Variants in CELF2 observed in about 807,000 individuals in gnomAD.
CELF2 encodes the protein CUGBP Elav-like family member 2.
CELF2 carries 8 observed loss-of-function variants against 62.6 expected under a neutral mutation model. That is an observed-to-expected ratio of 0.13 (90% CI 0.07 to 0.23). CELF2 has a LOEUF of 0.23. Ranked by LOEUF, CELF2 falls within the 10% of genes least tolerant of loss-of-function variation. The pLI is 1.00. For missense variants in CELF2, 333 were observed against 671.0 expected, an observed-to-expected ratio of 0.50 and a Z score of 5.56; for synonymous variants, 258 against 250.0, an observed-to-expected ratio of 1.03 and a Z score of -0.30.
chr10:11,118,076 T>A (rs1158310620), intron 1 of CELF2, among the ~76,000 whole-genome samples: 1 of 152,224 alleles, frequency 6.6e-6, no homozygotes, highest in East Asian at 1.9e-4. Context: ...AAGCTATTTT[T>A]TTTTTAGTTT....
In CELF2 at chr10:11,012,440, C is replaced by T. The variant is rs1159171057; in HGVS notation, c.53+7000C>T. The stretch of plus-strand genomic sequence containing the variant: ...CATTCAGGCACATGGGCTGTCATGC[C>T]CAGAGAGATTCCCTCTGAAGTAGAG... On this transcript the variant is annotated intron_variant, in intron 1 of 12. Coordinates refer to the CELF2 transcript ENST00000416382. This position sits in a 1 kb window ranked among gnomAD's most constrained non-coding sequence, Gnocchi z 5.5. 6.6e-6 allele frequency among the ~76,000 whole-genome samples: 1 copy of T among 152,120 alleles called. No individual in the cohort carries two copies. Among genetic ancestry groups the T allele is most frequent in the African/African-American group, 2.4e-5 (1 of 41,416 alleles).
the CELF2 span, among the ~76,000 whole-genome samples, chr10:10,581,091 G>A: frequency 6.6e-6 from 1 of 152,116 alleles, no homozygotes; most frequent in African/African-American, 2.4e-5. Flanking sequence ...CACATATTTG[G>A]AATCTCCTGA....
intron 1 of CELF2, among the ~76,000 whole-genome samples, chr10:11,085,553 C>T (rs1823061403): frequency 6.6e-6 from 1 of 152,182 alleles, no homozygotes. Context: ...AAATCCATCA[C>T]AGTGACCTTG....
At chr10:11,001,369 G>C (rs531270385), upstream of CELF2, among the ~76,000 whole-genome samples, 4 of 152,210 alleles carry the variant, frequency 2.6e-5, no homozygotes, top group East Asian at 7.7e-4. Flanking sequence ...GTCAGGCTCT[G>C]GCATATTTTG....
intron 9 of CELF2, among the ~76,000 whole-genome samples, chr10:11,307,357 T>C (rs75730401): frequency 2.0e-5 from 3 of 152,330 alleles, no homozygotes; most frequent in African/African-American, 7.2e-5. Context: ...TGTGATTTCC[T>C]GCAAGGTGGG....
At chr10:11,095,597 A>G (rs565275896) in intron 1 of CELF2, among the ~76,000 whole-genome samples, 3 of 152,200 alleles carry the variant, frequency 2.0e-5, no homozygotes, top group Non-Finnish European at 4.4e-5. Flanking sequence ...TTTAACTGTA[A>G]CAATGAGTTG....
intron 1 of CELF2, among the ~76,000 whole-genome samples, chr10:10,838,996 A>G (rs887100847): frequency 6.6e-6 from 1 of 152,052 alleles, no homozygotes; most frequent in Non-Finnish European, 1.5e-5. Flanking sequence ...ATACAAAAAT[A>G]TTAGCCAGAC....
chr10:10,937,636 A>G (rs1564848583), intron 2 of CELF2: 1 of 152,340 alleles, frequency 6.6e-6, no homozygotes, highest in South Asian at 2.1e-4. Flanking sequence ...ATTAGGATAC[A>G]GTATCAATCA....
chr10:11,169,809 A>T (rs1236221462), intron 2 of CELF2, among the ~76,000 whole-genome samples: 1 of 152,310 alleles, frequency 6.6e-6, no homozygotes, highest in South Asian at 2.1e-4. Flanking sequence ...AGAGGACTTG[A>T]TAACTAAATT....
At chr10:10,764,119 G>A in the CELF2 span, among the ~76,000 whole-genome samples, 1 of 152,202 alleles carries the variant, frequency 6.6e-6, no homozygotes, top group South Asian at 2.1e-4. Flanking sequence ...AGACGGGAAG[G>A]AAAGGAAAGG....
At chr10:10,910,929 A>G (rs2063759500) in intron 1 of CELF2, among the ~76,000 whole-genome samples, 1 of 152,172 alleles carries the variant, frequency 6.6e-6, no homozygotes, top group Non-Finnish European at 1.5e-5. Flanking sequence ...AATGAGCAGG[A>G]ATTGTTACTA....
At chr10:10,923,180 C>A (rs972055787) in intron 2 of CELF2, 1 of 152,130 alleles carries the variant, frequency 6.6e-6, no homozygotes, top group Non-Finnish European at 1.5e-5. Context: ...CATGACACTT[C>A]GAGTTTTTTC....
the CELF2 span, among the ~76,000 whole-genome samples, chr10:10,789,200 G>A: frequency 6.6e-6 from 1 of 152,138 alleles, no homozygotes; most frequent in Non-Finnish European, 1.5e-5. Flanking sequence ...TGGGGACTAT[G>A]GGCAGTTGAG....
chr10:10,468,411 A>T, the CELF2 span, among the ~76,000 whole-genome samples: 1 of 151,950 alleles, frequency 6.6e-6, no homozygotes, highest in South Asian at 2.1e-4. Flanking sequence ...ATACTGGTAA[A>T]GCCATGTTCC....
At chr10:11,081,202 G>A (rs151122551) in intron 1 of CELF2, among the ~76,000 whole-genome samples, 4 of 152,296 alleles carry the variant, frequency 2.6e-5, no homozygotes, top group Non-Finnish European at 4.4e-5. Flanking sequence ...ATGTTCTCAT[G>A]TTAATAGCAT....
intron 1 of CELF2, among the ~76,000 whole-genome samples, chr10:10,857,460 A>C (rs1392654091): frequency 6.6e-6 from 1 of 151,838 alleles, no homozygotes; most frequent in Non-Finnish European, 1.5e-5. Flanking sequence ...AAATCTCAGA[A>C]GGCTCAGGCT....
chr10:10,835,727 C>T (rs894305739), intron 1 of CELF2, among the ~76,000 whole-genome samples: 1 of 152,120 alleles, frequency 6.6e-6, no homozygotes, highest in Non-Finnish European at 1.5e-5. Context: ...TGTGTATCAG[C>T]CTCTGAGTTT....
At chr10:11,213,423 G>C (rs1159861515) in intron 2 of CELF2, among the ~76,000 whole-genome samples, 1 of 152,218 alleles carries the variant, frequency 6.6e-6, no homozygotes, top group Non-Finnish European at 1.5e-5. Flanking sequence ...TCCCTTAACA[G>C]CTGTATATTT....
At chr10:10,885,641 C>A (rs951746160) in intron 1 of CELF2, among the ~76,000 whole-genome samples, 1 of 152,066 alleles carries the variant, frequency 6.6e-6, no homozygotes, top group Admixed American at 6.6e-5. Flanking sequence ...GCTGCTGTAA[C>A]CAATTGCTGC....
Sources: allele counts gnomAD v4.1 joint callset (sites outside exome capture counted in the v4.1 genomes callset), GRCh38; gene constraint gnomAD v4.1.1; non-coding constraint Gnocchi (gnomAD v3.1); transcripts MANE v1.5; gene names NCBI Gene and HGNC (gene_info 2026-07-23, HGNC 2026-07-21).